The following ZBTB20 variants were observed in gnomAD, a reference collection of about 807,000 sequenced individuals.
ZBTB20 encodes the protein zinc finger and BTB domain-containing protein 20.
ZBTB20 carries 9 observed loss-of-function variants against 56.9 expected under a neutral mutation model. That is an observed-to-expected ratio of 0.16 (90% CI 0.10 to 0.28). ZBTB20 has a LOEUF of 0.28. Among genes scored for constraint, ZBTB20 ranks in the 10% least tolerant of loss-of-function variants. The pLI is 1.00. For synonymous variants in ZBTB20, 417 were observed against 420.7 expected (o/e 0.99, Z 0.11); for missense variants, 655 against 1,003.0 (o/e 0.65, Z 4.69).
At chr3:114,475,701 C>T (rs977770530) in intron 7 of ZBTB20, among the ~76,000 whole-genome samples, 3 of 152,070 alleles carry the variant, frequency 2.0e-5, no homozygotes, top group Non-Finnish European at 4.4e-5. Context: ...TAAAGAAACA[C>T]AGAAGCAAAT....
At chr3:115,141,949 A>G (rs2084822776) in intron 1 of ZBTB20, among the ~76,000 whole-genome samples, 3 of 152,320 alleles carry the variant, frequency 2.0e-5, no homozygotes, top group African/African-American at 7.2e-5. Context: ...AAACTCAACT[A>G]TCTTAGGTGG....
intron 7 of ZBTB20, among the ~76,000 whole-genome samples, chr3:114,449,050 T>A (rs1358374184): frequency 6.6e-6 from 1 of 152,136 alleles, no homozygotes; most frequent in African/African-American, 2.4e-5. Context: ...ATTTAAAATA[T>A]CAGTATTAAC....
intron 1 of ZBTB20, among the ~76,000 whole-genome samples, chr3:115,134,007 C>T (rs2108675485): frequency 6.6e-6 from 1 of 152,262 alleles, no homozygotes. Context: ...TCGGGTTTTA[C>T]TATATGGTTT....
At chr3:114,962,522 TTCTTATCTCCTAGATCCTGGTATTCCCC>T (rs2077492661) in intron 3 of ZBTB20, among the ~76,000 whole-genome samples, 1 of 152,162 alleles carries the variant, frequency 6.6e-6, no homozygotes, top group African/African-American at 2.4e-5. Flanking sequence ...TCTCTTTAAA[TTCTTATCTCCTAGATCCTGGTATTCCCC>T]CTTGGGGCAG....
chr3:115,123,283 C>T (rs1278436837), intron 1 of ZBTB20, among the ~76,000 whole-genome samples: 1 of 152,100 alleles, frequency 6.6e-6, no homozygotes, highest in Non-Finnish European at 1.5e-5. Flanking sequence ...TTTCCCTATA[C>T]CATTTTCCCT....
chr3:114,909,808 C>T (rs2075459455), intron 3 of ZBTB20, among the ~76,000 whole-genome samples: 1 of 151,846 alleles, frequency 6.6e-6, no homozygotes, highest in African/African-American at 2.4e-5. Context: ...GCTAAACAGT[C>T]TTAGGGAGCA....
intron 4 of ZBTB20, among the ~76,000 whole-genome samples, chr3:114,824,503 A>G (rs2073419371): frequency 6.6e-6 from 1 of 151,980 alleles, no homozygotes; most frequent in Non-Finnish European, 1.5e-5. Context: ...ACAAACAGGA[A>G]TTCGGTCTTT....
At position 115,097,748 on chromosome 3, in the gene ZBTB20, T is replaced by C; in HGVS notation, c.-702-26334A>G. 1.3e-5 allele frequency among the ~76,000 whole-genome samples: 2 copies of C among 152,152 alleles called. 1 individual carries two copies. Among genetic ancestry groups the C allele is most frequent in the Non-Finnish European group, 2.9e-5 (2 of 68,024 alleles). On this transcript the variant is annotated intron_variant, in intron 1 of 11. Coordinates refer to ENST00000675478, the MANE Select transcript of ZBTB20 (RefSeq NM_001348800.3). The stretch of plus-strand genomic sequence containing the variant: ...AGCCCACTATAACCAATAAGGCTGA[T>C]TAATGAATTTTTCTGGCATTCTATA...
chr3:114,512,897 T>C (rs1404630140), intron 6 of ZBTB20, among the ~76,000 whole-genome samples: 1 of 152,150 alleles, frequency 6.6e-6, no homozygotes, highest in African/African-American at 2.4e-5. Flanking sequence ...TAGAACAATT[T>C]CTGCATTGAA....
chr3:114,839,575 G>A (rs2074295827), intron 4 of ZBTB20, among the ~76,000 whole-genome samples: 1 of 152,118 alleles, frequency 6.6e-6, no homozygotes, highest in African/African-American at 2.4e-5. Context: ...CCAGTGTGGT[G>A]GATCTAATGG....
At chr3:114,547,804 TAAA>T (rs1229650820) in intron 6 of ZBTB20, among the ~76,000 whole-genome samples, 1 of 152,156 alleles carries the variant, frequency 6.6e-6, no homozygotes, top group Admixed American at 6.5e-5. Flanking sequence ...TAAGAAAACA[TAAA>T]AAAGTTCTAT....
At chr3:114,487,740 T>C (rs2684289) in intron 7 of ZBTB20, among the ~76,000 whole-genome samples, 110,023 of 152,172 alleles carry the variant, frequency 0.72, 41,325 homozygotes, top group Non-Finnish European at 0.83. Flanking sequence ...GTTAGTGTGG[T>C]ATTTCCAATT....
At chr3:114,937,244 A>C (rs1156309258) in intron 3 of ZBTB20, among the ~76,000 whole-genome samples, 1 of 152,132 alleles carries the variant, frequency 6.6e-6, no homozygotes, top group Non-Finnish European at 1.5e-5. Flanking sequence ...ACAGTGTAAA[A>C]GCGTTCTTAT....
intron 6 of ZBTB20, among the ~76,000 whole-genome samples, chr3:114,690,384 A>T (rs1461039272): frequency 6.6e-6 from 1 of 152,152 alleles, no homozygotes; most frequent in East Asian, 1.9e-4. Flanking sequence ...TGAATTTCTG[A>T]TGCGTGTAAT....
intron 6 of ZBTB20, among the ~76,000 whole-genome samples, chr3:114,662,041 C>T (rs1182155348): frequency 6.8e-6 from 1 of 146,260 alleles, no homozygotes; most frequent in Non-Finnish European, 1.5e-5. Context: ...TCTCCCAATG[C>T]TATCCCTCCC....
At chr3:114,518,227 A>G (rs367802452) in intron 6 of ZBTB20, among the ~76,000 whole-genome samples, 5 of 152,114 alleles carry the variant, frequency 3.3e-5, no homozygotes, top group African/African-American at 1.2e-4. Flanking sequence ...CCATGTACAC[A>G]CATTTCAAAT....
chr3:114,926,083 C>T (rs1039710246), intron 3 of ZBTB20, among the ~76,000 whole-genome samples: 6 of 152,146 alleles, frequency 3.9e-5, no homozygotes, highest in Non-Finnish European at 7.4e-5. Flanking sequence ...ACACAATATC[C>T]CATCTCTGTC....
intron 5 of ZBTB20, among the ~76,000 whole-genome samples, chr3:114,744,242 G>A (rs1262529852): frequency 6.6e-6 from 1 of 152,174 alleles, no homozygotes; most frequent in Non-Finnish European, 1.5e-5. Flanking sequence ...ACAGTGAGAA[G>A]AAAGTGCAAT....
At chr3:114,911,835 A>C (rs889919830) in intron 3 of ZBTB20, among the ~76,000 whole-genome samples, 3 of 151,992 alleles carry the variant, frequency 2.0e-5, no homozygotes, top group African/African-American at 7.2e-5. Context: ...ACAGAGTAAG[A>C]GGACAAAAAC....
Sources: allele counts gnomAD v4.1 joint callset (sites outside exome capture counted in the v4.1 genomes callset), GRCh38; gene constraint gnomAD v4.1.1; transcripts MANE v1.5; gene names NCBI Gene and HGNC (gene_info 2026-07-23, HGNC 2026-07-21).